The following PCDHGB6 variants were observed in gnomAD, a reference collection of about 807,000 sequenced individuals.
The protein encoded by PCDHGB6 is protocadherin gamma subfamily B, 6, also known as protocadherin gamma-B6.
In PCDHGB6, 51 loss-of-function variants were observed where a neutral mutation model predicts 59.1. The observed-to-expected ratio is 0.86, with a 90% CI of 0.69 to 1.09. The LOEUF (loss-of-function observed/expected upper bound fraction) is 1.09. PCDHGB6 is among the 50% of genes least tolerant of loss of function. The pLI, the probability that PCDHGB6 is intolerant of heterozygous loss-of-function variation, is 0.00. For missense variants in PCDHGB6, 1,148 were observed against 1,205.1 expected (o/e 0.95, Z 0.70); for synonymous variants, 466 against 495.1 (o/e 0.94, Z 0.78).
At position 141,491,651 on chromosome 5, in the gene PCDHGB6, A is replaced by G. The variant is rs1379494110; in HGVS notation, c.2419-3156A>G. 1.9e-6 allele frequency: 3 copies of G among 1,613,796 alleles called. 1 individual carries two copies. ...CAGCAGCCCACAGCTCTGGCGCTGGAGCCTGACGCCATCCGGTCCCGCTCT... is the reference window on the plus strand; with the variant it reads ...CAGCAGCCCACAGCTCTGGCGCTGGGGCCTGACGCCATCCGGTCCCGCTCT... On this transcript the variant is annotated intron_variant, in intron 1 of 3. Coordinates refer to ENST00000520790, the MANE Select transcript of PCDHGB6 (RefSeq NM_018926.3). The surrounding 1 kb of genome is among the most constrained non-coding windows in gnomAD (Gnocchi z 6.9).
rs1303712746 is a variant in PCDHGB6 at position 141,512,800 on chromosome 5, C to G, written c.*1627C>G. The G allele has an allele frequency of 1.3e-5, 2 of 152,238 alleles. No homozygotes were observed. Among genetic ancestry groups the G allele is most frequent in the African/African-American group, 4.8e-5 (2 of 41,434 alleles). The allele number at this position is 152,238 out of a possible 1,614,324, so 9.4% of individuals were successfully genotyped here. A position where few individuals can be genotyped will look rare whatever the true frequency, so the allele number is the denominator to read the frequency against. On this transcript the variant is annotated 3_prime_UTR_variant, in exon 4 of 4. Coordinates refer to ENST00000520790, the MANE Select transcript of PCDHGB6 (RefSeq NM_018926.3). Reference sequence around the variant, plus strand: ...GCCCGTGTTGTGTTTTGTGCTGTGTCCACGCGCTAAGGCGACCCCCTCCCC... The same window carrying G: ...GCCCGTGTTGTGTTTTGTGCTGTGTGCACGCGCTAAGGCGACCCCCTCCCC...
intron 1 of PCDHGB6, chr5:141,411,661 C>T (rs2095505180): frequency 6.6e-6 from 1 of 150,762 alleles, no homozygotes; most frequent in African/African-American, 2.4e-5. Context: ...GGTGGAGAAT[C>T]TCTTGAGCGC....
chr5:141,408,404 G>C lies in PCDHGB6; in HGVS notation c.202G>C (p.Val68Leu), dbSNP rs372659902. ...VLDVSARKLR[V>L]SAEKLHFSVD... ...GGATGTGTCGGCTCGCAAGCTGCGAGTGAGCGCGGAGAAGCTGCACTTCAG... is the reference window on the plus strand; with the variant it reads ...GGATGTGTCGGCTCGCAAGCTGCGACTGAGCGCGGAGAAGCTGCACTTCAG... The change falls in exon 1 of 4, where the codon GTG (valine) becomes CTG (leucine). Residue 68 changes from valine (V) to leucine (L), a missense_variant. This residue lies in a region of PCDHGB6 where 307 missense variants were observed against 323.8 expected (regional missense o/e 0.95). Transcript: ENST00000520790. 6.2e-4 allele frequency: 1,002 copies of C among 1,614,072 alleles called. 1 individual carries two copies. The highest frequency in any genetic ancestry group is 8.3e-4 in the Non-Finnish European group (980 of 1,179,896).
At chr5:141,505,536 C>T (rs749205049) in intron 3 of PCDHGB6, 55 bp downstream of exon 3, 9 of 1,610,164 alleles carry the variant, frequency 5.6e-6, no homozygotes, top group Non-Finnish European at 7.6e-6. Context: ...TTCTGGGGTG[C>T]ATCTCACAGC....
intron 1 of PCDHGB6, chr5:141,417,879 A>G (rs2096177010): frequency 7.1e-6 from 11 of 1,559,306 alleles, no homozygotes; most frequent in South Asian, 2.3e-5. Flanking sequence ...AGCTGCGCGC[A>G]GAGGCGCCGG....
rs757876687 is a variant in PCDHGB6 at position 141,413,273 on chromosome 5, G to A, written c.2418+2653G>A. On this transcript the variant is annotated intron_variant, in intron 1 of 3. Coordinates refer to ENST00000520790, the MANE Select transcript of PCDHGB6 (RefSeq NM_018926.3). The stretch of plus-strand genomic sequence containing the variant: ...GGGATTCCATGGGAGGCTGGAGCCC[G>A]GCAGATCTCCTACTCAATTCCTGAG... 4.3e-6 allele frequency: 7 copies of A among 1,613,920 alleles called. No homozygotes were observed. The highest frequency in any genetic ancestry group is 5.9e-6 in the Non-Finnish European group (7 of 1,179,902).
chr5:141,409,942 C>T lies in PCDHGB6; in HGVS notation c.1740C>T (p.Arg580=), dbSNP rs1168442761. Residue 580 remains arginine, a synonymous_variant, in exon 1 of 4, where the codon CGC becomes CGT. Transcript: ENST00000520790. ...CCGCGTTCTTCGATATGGTACCTCG[C>T]TCTGCAGAGCCCGGCTACCTAGTGA... is the stretch of plus-strand genomic sequence containing the variant. ...DGSAFFDMVP[R]SAEPGYLVTK... The T allele has an allele frequency of 2.5e-6, 4 of 1,613,284 alleles. No individual in the cohort carries two copies. Among genetic ancestry groups the T allele is most frequent in the South Asian group, 1.1e-5 (1 of 91,074 alleles).
chr5:141,421,357 T>A lies in PCDHGB6; in HGVS notation c.2418+10737T>A, dbSNP rs761522510. ...GGTGCCAGAAGAGACCGAAAAGGGC[T>A]CCTTCGTGGGCAATATCTCCAAGGA... On this transcript the variant is annotated intron_variant, in intron 1 of 3. Coordinates refer to ENST00000520790, the MANE Select transcript of PCDHGB6 (RefSeq NM_018926.3). 4.3e-6 allele frequency: 7 copies of A among 1,613,976 alleles called. 1 individual carries two copies. The South Asian group carries it at 7.7e-5, about 18-fold the overall frequency.
intron 1 of PCDHGB6, among the ~76,000 whole-genome samples, chr5:141,483,638 G>A (rs1159840764): frequency 1.4e-5 from 2 of 147,222 alleles, no homozygotes; most frequent in South Asian, 2.1e-4. Flanking sequence ...AGGTATAGAG[G>A]GGTGTGTGTT....
chr5:141,509,497 G>A (rs1167178592), intron 3 of PCDHGB6, among the ~76,000 whole-genome samples: 1 of 152,196 alleles, frequency 6.6e-6, no homozygotes, highest in Non-Finnish European at 1.5e-5. Flanking sequence ...TGGCATGCTG[G>A]ATGTGACGGT....
chr5:141,469,394 G>A lies in PCDHGB6; in HGVS notation c.2419-25413G>A, dbSNP rs550152670. Among the ~76,000 whole-genome samples the A allele has an allele frequency of 2.5e-4, 38 of 152,198 alleles. 1 individual carries two copies. The highest frequency in any genetic ancestry group is 8.4e-4 in the African/African-American group (35 of 41,514). On this transcript the variant is annotated intron_variant, in intron 1 of 3. Coordinates refer to ENST00000520790, the MANE Select transcript of PCDHGB6 (RefSeq NM_018926.3). ...GATCGAGACCATCCTGGCCAACATG[G>A]TGAAACCCCGTTTCTACTAAAAATA...
At position 141,487,254 on chromosome 5, in the gene PCDHGB6, C is replaced by T. The variant is rs1341564301; in HGVS notation, c.2419-7553C>T. On this transcript the variant is annotated intron_variant, in intron 1 of 3. Coordinates refer to ENST00000520790, the MANE Select transcript of PCDHGB6 (RefSeq NM_018926.3). The surrounding 1 kb of genome is among the most constrained non-coding windows in gnomAD (Gnocchi z 5.0). Reference sequence around the variant, plus strand: ...GAATCTCGTCTAACCCTCTACTTGGCTGTGTCCCTAGTGGCAATTTGCTTT... The same window carrying T: ...GAATCTCGTCTAACCCTCTACTTGGTTGTGTCCCTAGTGGCAATTTGCTTT... The T allele has an allele frequency of 1.2e-6, 2 of 1,614,126 alleles. No homozygotes were observed. Among genetic ancestry groups the T allele is most frequent in the East Asian group, 4.5e-5 (2 of 44,860 alleles).
chr5:141,460,783 T>G (rs1000959104), intron 1 of PCDHGB6, among the ~76,000 whole-genome samples: 1 of 152,030 alleles, frequency 6.6e-6, no homozygotes, highest in Non-Finnish European at 1.5e-5. Flanking sequence ...TGTATACATA[T>G]ATACACACAA....
At chr5:141,420,551 ATTTTTACGGCATGGT>A (rs2096505176) in intron 1 of PCDHGB6, 3 of 266,550 alleles carry the variant, frequency 1.1e-5, no homozygotes, top group Admixed American at 5.1e-5. Context: ...ATACAGGTAT[ATTTTTACGGCATGGT>A]ATTTTAATTG....
Position 141,490,866 on chromosome 5 carries a change from C to T in PCDHGB6, c.2419-3941C>T, listed in dbSNP as rs1408465290. The T allele has an allele frequency of 6.2e-7, 1 of 1,613,906 alleles. No homozygotes were observed. The highest frequency in any genetic ancestry group is 1.7e-5 in the Admixed American group (1 of 60,012). ...TGGGGGTTCGAGACTCCGGCTCTCC[C>T]CCATTGCATGCCAACACATCTCTGC... On this transcript the variant is annotated intron_variant, in intron 1 of 3. Coordinates refer to ENST00000520790, the MANE Select transcript of PCDHGB6 (RefSeq NM_018926.3). The surrounding 1 kb of genome is among the most constrained non-coding windows in gnomAD (Gnocchi z 5.4).
At chr5:141,500,185 TTTA>T (rs549090582) in intron 2 of PCDHGB6, among the ~76,000 whole-genome samples, 1 of 55,104 alleles carries the variant, frequency 1.8e-5, no homozygotes, top group Non-Finnish European at 3.2e-5. Flanking sequence ...CATTTTTATT[TTTA>T]TTTATTTATT....
chr5:141,448,204 C>G (rs757249025), intron 1 of PCDHGB6, among the ~76,000 whole-genome samples: 28 of 152,124 alleles, frequency 1.8e-4, no homozygotes, highest in South Asian at 4.1e-4. Flanking sequence ...CAAACATTTT[C>G]TGTGTGTATG....
rs1688094877 is a variant in PCDHGB6 at position 141,432,625 on chromosome 5, C to T, written c.2418+22005C>T. 1.2e-6 allele frequency: 2 copies of T among 1,613,240 alleles called. No individual in the cohort carries two copies. The highest frequency in any genetic ancestry group is 1.7e-6 in the Non-Finnish European group (2 of 1,179,778). ...CGGGACTCTTCTCGGTGGGTCTGCA[C>T]ACGGGCGAGGTGCGCACGGCGCGAG... On this transcript the variant is annotated intron_variant, in intron 1 of 3. Coordinates refer to ENST00000520790, the MANE Select transcript of PCDHGB6 (RefSeq NM_018926.3). The surrounding 1 kb of genome is among the most constrained non-coding windows in gnomAD (Gnocchi z 6.0).
chr5:141,469,962 C>T (rs943032320), intron 1 of PCDHGB6, among the ~76,000 whole-genome samples: 8 of 152,134 alleles, frequency 5.3e-5, no homozygotes, highest in African/African-American at 1.9e-4. Flanking sequence ...GAAACCCCAT[C>T]TGTACCAAAA....
Sources: gnomAD v4.1 joint callset for allele counts (sites outside exome capture counted in the v4.1 genomes callset) on GRCh38, gnomAD v4.1.1 for gene constraint, gnomAD v4.1.1 regional missense constraint, Gnocchi (gnomAD v3.1) non-coding constraint, MANE v1.5 for transcripts, NCBI Gene and HGNC (gene_info 2026-07-23, HGNC 2026-07-21) for gene names.